Variants in WSB1 observed in about 807,000 individuals in gnomAD.
The protein encoded by WSB1 is WD repeat and SOCS box-containing protein 1.
A neutral mutation model predicts 50.2 loss-of-function variants in WSB1; 23 were observed. The observed-to-expected ratio is 0.46, with a 90% CI of 0.33 to 0.65. The LOEUF is 0.65. Among genes scored for constraint, WSB1 ranks in the 30% least tolerant of loss-of-function variants. The probability of loss-of-function intolerance (pLI) is 0.02; values close to 1 mark genes in which losing one functional copy is unlikely to be tolerated. For synonymous variants in WSB1, 179 were observed against 172.0 expected (o/e 1.04, Z -0.32); for missense variants, 492 against 522.3 (o/e 0.94, Z 0.56).
chr17:27,307,103 G>T, intron 5 of WSB1: 1 of 524,934 alleles, frequency 1.9e-6, no homozygotes, highest in South Asian at 2.5e-5. Flanking sequence ...AGATAATAAT[G>T]GGCATATCAG....
At chr17:27,306,662 G>T in intron 4 of WSB1, 120 bp from the exon 5 acceptor site, 1 of 919,338 alleles carries the variant, frequency 1.1e-6, no homozygotes. Context: ...GGTAACCCTT[G>T]TTATAGATAA....
In WSB1 at chr17:27,310,138, A is replaced by T; in HGVS notation, c.962A>T (p.His321Leu). 3.1e-6 allele frequency: 5 copies of T among 1,614,098 alleles called. No individual in the cohort carries two copies. Among genetic ancestry groups the T allele is most frequent in the Non-Finnish European group, 4.2e-6 (5 of 1,179,944 alleles). Residue 321 changes from histidine (H) to leucine (L), a missense_variant, in exon 7 of 9, where the codon CAT becomes CTT. By Grantham distance (99) the His-to-Leu change is moderately conservative. Transcript: ENST00000262394. ...TGGGTACGATCTGTATCTTTTAGCC[A>T]TGATGGACTGCATGTTGCAAGCCTT... ...DRWVRSVSFS[H>L]DGLHVASLAD...
At position 27,314,675 on chromosome 17, in the gene WSB1, A is replaced by T. The variant is rs1274512646; in HGVS notation, c.*2306A>T. ...CAGCTTTTTTTATTTTTTATTTTTT[A>T]TTTTTTTTGAGACGGAGTCTCACAC... On this transcript the variant is annotated 3_prime_UTR_variant, in exon 9 of 9. Transcript: ENST00000262394. The T allele has an allele frequency of 3.3e-5, 5 of 151,132 alleles. No individual in the cohort carries two copies. Among genetic ancestry groups the T allele is most frequent in the South Asian group, 2.1e-4 (1 of 4,790 alleles). 9.4% of individuals were successfully genotyped at this position (151,132 alleles called of 1,614,324 possible). A position where few individuals can be genotyped will look rare whatever the true frequency, so the allele number is the denominator to read the frequency against.
chr17:27,294,431 G>C lies in WSB1; in HGVS notation c.36G>C (p.Glu12Asp). The change falls in exon 1 of 9, where the codon GAG (glutamate) becomes GAC (aspartate). Residue 12 changes from glutamate (E) to aspartate (D), a missense_variant. Coordinates refer to ENST00000262394, the MANE Select transcript of WSB1 (RefSeq NM_015626.10). The part of the protein sequence containing the change: ...ASFPPRVNEK[E>D]IVRLRTIGEL... ...TTCCCCCGAGGGTCAACGAGAAAGA[G>C]ATCGGTGAGGATTGGGACCGTGGGT... 1 of 1,613,726 alleles carries C rather than the reference G, an allele frequency of 6.2e-7. No homozygotes were observed. The highest frequency in any genetic ancestry group is 2.2e-5 in the East Asian group (1 of 44,848).
intron 6 of WSB1, among the ~76,000 whole-genome samples, chr17:27,309,651 C>T (rs2017591336): frequency 6.6e-6 from 1 of 151,394 alleles, no homozygotes; most frequent in Non-Finnish European, 1.5e-5. Context: ...GGCGCAATCT[C>T]AGCTCACTGC....
rs2017817502 is a variant in WSB1 at position 27,315,791 on chromosome 17, G to A, written c.*3422G>A. 1 of 152,226 alleles carries A rather than the reference G, an allele frequency of 6.6e-6. No homozygotes were observed. Among genetic ancestry groups the A allele is most frequent in the African/African-American group, 2.4e-5 (1 of 41,454 alleles). 9.4% of individuals were successfully genotyped at this position (152,226 alleles called of 1,614,324 possible). A position where few individuals can be genotyped will look rare whatever the true frequency, so the allele number is the denominator to read the frequency against. ...AAAACAAATATCTAGAGTTATATAT[G>A]GATGTACTATCATTTGGTGATAAAA... On this transcript the variant is annotated 3_prime_UTR_variant, in exon 9 of 9. Transcript: ENST00000262394.
chr17:27,301,205 G>A (rs949117094), intron 1 of WSB1, among the ~76,000 whole-genome samples: 105 of 152,168 alleles, frequency 6.9e-4, no homozygotes, highest in African/African-American at 2.0e-3. Context: ...TGGTTTGGAG[G>A]GTTGGACTAG....
rs777654862 is a variant in WSB1, at chr17:27,301,844, TGTG to T, written c.100_102del (p.Gly34del). The stretch of plus-strand genomic sequence containing the variant: ...TCCTGCAGCTCCTTTTGACAAGAAA[TGTG>T]GTCGTGAAAATTGGACTGTTGCTTT... On this transcript the variant is annotated inframe_deletion, in exon 2 of 9. Coordinates refer to ENST00000262394, the MANE Select transcript of WSB1 (RefSeq NM_015626.10). The T allele has an allele frequency of 6.2e-7, 1 of 1,614,140 alleles. No homozygotes were observed. The highest frequency in any genetic ancestry group is 2.2e-5 in the East Asian group (1 of 44,890).
chr17:27,308,105 A>G lies in WSB1; in HGVS notation c.712-995A>G, dbSNP rs1001847860. The G allele has an allele frequency of 9.2e-6, 10 of 1,083,354 alleles. No individual in the cohort carries two copies. The Admixed American group carries it at 1.6e-4, about 17-fold the overall frequency. The allele number at this position is 1,083,354 out of a possible 1,614,324, so 67.1% of individuals were successfully genotyped here. ...GGCTTTCAAATGGTTTCTCTGTGCTATTTTTTGGAATTCTTTCAGATTCCA... is the reference window on the plus strand; with the variant it reads ...GGCTTTCAAATGGTTTCTCTGTGCTGTTTTTTGGAATTCTTTCAGATTCCA... On this transcript the variant is annotated intron_variant, in intron 5 of 8. Transcript: ENST00000262394.
At position 27,299,053 on chromosome 17, in the gene WSB1, G is replaced by A. The variant is rs534121337; in HGVS notation, c.41-2735G>A. 4.6e-5 allele frequency among the ~76,000 whole-genome samples: 7 copies of A among 152,244 alleles called. No individual in the cohort carries two copies. The South Asian group carries it at 8.3e-4, about 18-fold the overall frequency. Reference sequence around the variant, plus strand: ...CCCTGTCTAAAAAATTAAGCAGGCAGGGGTTGCAAATTCAGAGGCCAGGCA... The same window carrying A: ...CCCTGTCTAAAAAATTAAGCAGGCAAGGGTTGCAAATTCAGAGGCCAGGCA... On this transcript the variant is annotated intron_variant, in intron 1 of 8. Coordinates refer to ENST00000262394, the MANE Select transcript of WSB1 (RefSeq NM_015626.10).
chr17:27,304,888 G>C lies in WSB1; in HGVS notation c.587G>C (p.Arg196Thr). 1 of 1,614,046 alleles carries C rather than the reference G, an allele frequency of 6.2e-7. No individual in the cohort carries two copies. Among genetic ancestry groups the C allele is most frequent in the Non-Finnish European group, 8.5e-7 (1 of 1,179,960 alleles). ...TCAGCTTCAAGAGACAAAACTCTCA[G>C]AGTATGGGACCTGAAAGATGATGGT... is the stretch of plus-strand genomic sequence containing the variant. ...LVSASRDKTL[R>T]VWDLKDDGNM... The change falls in exon 4 of 9, where the codon AGA (arginine) becomes ACA (threonine). Residue 196 changes from arginine (R) to threonine (T), a missense_variant. Arg to Thr is a moderately conservative substitution (Grantham distance 71). Coordinates refer to ENST00000262394, the MANE Select transcript of WSB1 (RefSeq NM_015626.10).
In WSB1 at chr17:27,294,720, G is replaced by T. The variant is rs147312511; in HGVS notation, c.40+285G>T. ...GAGGTCCGCGCAGGGCTCTTGTCCTGGGAGTTCTTGGCTCAGGGCATGACT... is the reference window on the plus strand; with the variant it reads ...GAGGTCCGCGCAGGGCTCTTGTCCTTGGAGTTCTTGGCTCAGGGCATGACT... On this transcript the variant is annotated intron_variant, in intron 1 of 8. Transcript: ENST00000262394. Among the ~76,000 whole-genome samples the T allele has an allele frequency of 1.5e-3, 222 of 152,332 alleles. 1 individual carries two copies. Among genetic ancestry groups the T allele is most frequent in the African/African-American group, 5.2e-3 (218 of 41,578 alleles).
chr17:27,310,580 A>G (rs2017639444), intron 7 of WSB1, among the ~76,000 whole-genome samples: 1 of 152,234 alleles, frequency 6.6e-6, no homozygotes. Context: ...CACATGAATG[A>G]TATGTGCTGC....
intron 5 of WSB1, chr17:27,307,685 T>G (rs557177890): frequency 6.7e-7 from 1 of 1,501,968 alleles, no homozygotes; most frequent in East Asian, 2.5e-5. Context: ...AAATTAGATG[T>G]TGACATTGCT....
intron 5 of WSB1, 49 bp downstream of exon 5, chr17:27,306,931 T>C (rs200322954): frequency 6.5e-7 from 1 of 1,547,316 alleles, no homozygotes; most frequent in African/African-American, 1.4e-5. Context: ...ATTATGATAA[T>C]GTGTGCATAA....
At chr17:27,303,283 T>C (rs2017309313) in intron 2 of WSB1, 84 bp from the exon 3 acceptor site, 17 of 1,444,482 alleles carry the variant, frequency 1.2e-5, no homozygotes, top group Non-Finnish European at 1.6e-5. Flanking sequence ...GAGGTTATTT[T>C]AACAAACACT....
At chr17:27,307,679 T>G in intron 5 of WSB1, 1 of 1,484,052 alleles carries the variant, frequency 6.7e-7, no homozygotes, top group South Asian at 1.2e-5. Flanking sequence ...AGAACAAAAT[T>G]AGATGTTGAC....
chr17:27,301,687 C>T, intron 1 of WSB1, 101 bp from the exon 2 acceptor site: 1 of 1,260,564 alleles, frequency 7.9e-7, no homozygotes, highest in Non-Finnish European at 1.1e-6. Flanking sequence ...ACCCTGTCTG[C>T]ATAGAAGAGG....
intron 1 of WSB1, among the ~76,000 whole-genome samples, chr17:27,299,167 C>T (rs563103145): frequency 2.4e-4 from 36 of 152,200 alleles, no homozygotes; most frequent in Non-Finnish European, 4.3e-4. Context: ...TTTCTGAAAT[C>T]ATTTGTATGT....
Sources: allele counts gnomAD v4.1 joint callset (sites outside exome capture counted in the v4.1 genomes callset), GRCh38; gene constraint gnomAD v4.1.1; transcripts MANE v1.5; gene names NCBI Gene and HGNC (gene_info 2026-07-23, HGNC 2026-07-21).